The following C1QTNF2 variants were observed in gnomAD, a reference collection of about 807,000 sequenced individuals.
The protein encoded by C1QTNF2 is C1q and TNF related 2, also known as complement C1q tumor necrosis factor-related protein 2.
A neutral mutation model predicts 17.4 loss-of-function variants in C1QTNF2; 15 were observed. That is an observed-to-expected ratio of 0.86 (90% CI 0.58 to 1.33). The LOEUF is 1.33. Ranked by LOEUF, C1QTNF2 falls within the 40% of genes most tolerant of loss-of-function variation. C1QTNF2 has a pLI of 0.00. For synonymous variants in C1QTNF2, 154 were observed against 163.3 expected (o/e 0.94, Z 0.44); for missense variants, 381 against 392.3 (o/e 0.97, Z 0.24).
rs545486998 is a variant in C1QTNF2, at chr5:160,353,925, T to G, written c.244+843A>C. Reference sequence around the variant, plus strand: ...TTCAAGCAATTCTCCTACCTCAGCCTCCAGAGTAGCTGGGATTACAGGCAT... The same window carrying G: ...TTCAAGCAATTCTCCTACCTCAGCCGCCAGAGTAGCTGGGATTACAGGCAT... On this transcript the variant is annotated intron_variant, in intron 2 of 2. Coordinates refer to ENST00000652664, the MANE Select transcript of C1QTNF2 (RefSeq NM_031908.6). 7.4e-4 allele frequency among the ~76,000 whole-genome samples: 110 copies of G among 148,374 alleles called. 1 individual carries two copies. Among genetic ancestry groups the G allele is most frequent in the African/African-American group, 2.7e-3 (108 of 40,244 alleles).
rs1764016630 is a variant in C1QTNF2 at position 160,354,902 on chromosome 5, C to T, written c.110G>A (p.Ser37Asn). The stretch of plus-strand genomic sequence containing the variant: ...GGGTGGGCCCTGGGGGCCAGGCAGG[C>T]TGCAGACCAGTTGAGGGGAGCCTTT... ...FRKGSPQLVC[S>N]LPGPQGPPGP... Residue 37 changes from serine (S) to asparagine (N), a missense_variant, in exon 2 of 3, where the codon AGC becomes AAC. Ser to Asn is a conservative substitution (Grantham distance 46). Transcript: ENST00000652664. 2 of 1,603,136 alleles carry T rather than the reference C, an allele frequency of 1.2e-6. No homozygotes were observed. Among genetic ancestry groups the T allele is most frequent in the African/African-American group, 2.7e-5 (2 of 74,812 alleles).
Position 160,349,037 on chromosome 5 carries a change from G to T in C1QTNF2, c.*131C>A. ...GGATTTAATGAAGGGGAAAAAAAGA[G>T]GCAGAGGAGGTGAGCCTGAGGCTAG... On this transcript the variant is annotated 3_prime_UTR_variant, in exon 3 of 3. Coordinates refer to ENST00000652664, the MANE Select transcript of C1QTNF2 (RefSeq NM_031908.6). This position sits in a 1 kb window ranked among gnomAD's most constrained non-coding sequence, Gnocchi z 4.3. 2.8e-6 allele frequency: 3 copies of T among 1,090,870 alleles called. No individual in the cohort carries two copies. The highest frequency in any genetic ancestry group is 1.6e-5 in the African/African-American group (1 of 63,568). The allele number at this position is 1,090,870 out of a possible 1,614,324, so 67.6% of individuals were successfully genotyped here.
At chr5:160,351,044 C>A (rs1205336903) in intron 2 of C1QTNF2, among the ~76,000 whole-genome samples, 2 of 152,220 alleles carry the variant, frequency 1.3e-5, no homozygotes, top group Non-Finnish European at 2.9e-5. Flanking sequence ...GCCACCACAC[C>A]TGGCCCACAG....
intron 1 of C1QTNF2, among the ~76,000 whole-genome samples, chr5:160,362,689 C>G (rs948207624): frequency 6.6e-6 from 1 of 152,120 alleles, no homozygotes. Context: ...TCTCAATAAA[C>G]GTGCGGATGA....
chr5:160,349,260 G>C lies in C1QTNF2; in HGVS notation c.766C>G (p.Gln256Glu). 1 of 1,614,174 alleles carries C rather than the reference G, an allele frequency of 6.2e-7. No individual in the cohort carries two copies. Among genetic ancestry groups the C allele is most frequent in the Non-Finnish European group, 8.5e-7 (1 of 1,180,034 alleles). The part of the protein sequence containing the change: ...EVWLQIFYSE[Q>E]NGLFYDPYWT... Reference sequence around the variant, plus strand: ...TAAGGGTCATAGAAGAGCCCGTTCTGCTCTGAGTAGAAGATCTGCAGCCAA... The same window carrying C: ...TAAGGGTCATAGAAGAGCCCGTTCTCCTCTGAGTAGAAGATCTGCAGCCAA... Residue 256 changes from glutamine to glutamate, a missense_variant, in exon 3 of 3, where the codon CAG becomes GAG. Physicochemically the swap from Gln to Glu is conservative, Grantham distance 29 (BLOSUM62 2). Coordinates refer to ENST00000652664, the MANE Select transcript of C1QTNF2 (RefSeq NM_031908.6). The surrounding 1 kb of genome is among the most constrained non-coding windows in gnomAD (Gnocchi z 4.3).
intron 1 of C1QTNF2, chr5:160,355,227 C>A: frequency 1.0e-6 from 1 of 984,992 alleles, no homozygotes; most frequent in Non-Finnish European, 1.2e-6. Flanking sequence ...GAGTCATTAC[C>A]CAGAATACAC....
intron 1 of C1QTNF2, among the ~76,000 whole-genome samples, chr5:160,356,009 G>A (rs1358257404): frequency 6.6e-6 from 1 of 152,196 alleles, no homozygotes; most frequent in Non-Finnish European, 1.5e-5. Context: ...GCTAGACCGT[G>A]TCCTTAAGGC....
At chr5:160,357,211 A>T (rs1289506000) in intron 1 of C1QTNF2, among the ~76,000 whole-genome samples, 1 of 152,120 alleles carries the variant, frequency 6.6e-6, no homozygotes, top group Non-Finnish European at 1.5e-5. Flanking sequence ...TCACACCTTC[A>T]CTGGGGGAGC....
intron 2 of C1QTNF2, 137 bp downstream of exon 2, chr5:160,354,631 T>TATATATATATATATATATATATATATAG: frequency 4.5e-6 from 1 of 223,554 alleles, no homozygotes; most frequent in East Asian, 1.2e-4. Context: ...TATATATATA[T>TATATATATATATATATATATATATATAG]ATAGATTTAT....
intron 1 of C1QTNF2, among the ~76,000 whole-genome samples, chr5:160,366,440 G>A (rs575430158): frequency 6.6e-6 from 1 of 152,294 alleles, no homozygotes; most frequent in Non-Finnish European, 1.5e-5. Context: ...CATGGGAGAA[G>A]GTTGCCACAC....
intron 1 of C1QTNF2, among the ~76,000 whole-genome samples, chr5:160,362,890 G>T (rs146001457): frequency 6.6e-6 from 1 of 152,194 alleles, no homozygotes; most frequent in Non-Finnish European, 1.5e-5. Context: ...GCCTTACAGG[G>T]TTATTCAGAG....
At chr5:160,366,927 G>C (rs894129814) in intron 1 of C1QTNF2, among the ~76,000 whole-genome samples, 18 of 151,414 alleles carry the variant, frequency 1.2e-4, no homozygotes, top group African/African-American at 3.9e-4. Context: ...GGGGGGCTGA[G>C]TGGGGAGAAT....
intron 1 of C1QTNF2, 107 bp downstream of exon 1, chr5:160,370,405 T>C (rs1224171621): frequency 3.8e-6 from 5 of 1,327,248 alleles, no homozygotes; most frequent in Non-Finnish European, 4.8e-6. Flanking sequence ...CGCTGGCAGC[T>C]CTCCCACCTT....
chr5:160,360,463 T>G (rs1764133245), intron 1 of C1QTNF2, among the ~76,000 whole-genome samples: 3 of 152,146 alleles, frequency 2.0e-5, no homozygotes, highest in Non-Finnish European at 4.4e-5. Context: ...CTAACCCGAA[T>G]CAGATCAAAT....
At chr5:160,365,112 G>A (rs1047917446) in intron 1 of C1QTNF2, among the ~76,000 whole-genome samples, 6 of 152,078 alleles carry the variant, frequency 3.9e-5, no homozygotes, top group African/African-American at 9.7e-5. Context: ...CTGTGTAACC[G>A]GGAAAGAAAA....
In C1QTNF2 at chr5:160,349,621, T is replaced by C; in HGVS notation, c.405A>G (p.Pro135=). 1.2e-6 allele frequency: 2 copies of C among 1,612,956 alleles called. No homozygotes were observed. Among genetic ancestry groups the C allele is most frequent in the Non-Finnish European group, 1.7e-6 (2 of 1,179,936 alleles). The change falls in exon 3 of 3, where the codon CCA becomes CCG. Residue 135 remains proline (P), a synonymous_variant. Coordinates refer to ENST00000652664, the MANE Select transcript of C1QTNF2 (RefSeq NM_031908.6). This position sits in a 1 kb window ranked among gnomAD's most constrained non-coding sequence, Gnocchi z 4.3. Reference sequence around the variant, plus strand: ...CACAGCTGCAGGGGCCTGGGAGGCCTGGCTCCCCCTTCTTGCCCTTGGGCC... The same window carrying C: ...CACAGCTGCAGGGGCCTGGGAGGCCCGGCTCCCCCTTCTTGCCCTTGGGCC... The part of the protein sequence containing the change: ...KKGPKGKKGE[P]GLPGPCSCGS...
At chr5:160,369,681 C>A (rs1764313891) in intron 1 of C1QTNF2, among the ~76,000 whole-genome samples, 1 of 152,128 alleles carries the variant, frequency 6.6e-6, no homozygotes, top group Non-Finnish European at 1.5e-5. Context: ...GGCTTCCAAG[C>A]AGGGCAATTT....
intron 1 of C1QTNF2, 60 bp downstream of exon 1, chr5:160,370,452 C>T (rs1185119656): frequency 1.5e-6 from 2 of 1,372,356 alleles, no homozygotes; most frequent in Non-Finnish European, 1.9e-6. Flanking sequence ...GCGAGTCCTC[C>T]TCCTCCTCCT....
chr5:160,368,768 G>T (rs1764293004), intron 1 of C1QTNF2, among the ~76,000 whole-genome samples: 1 of 152,042 alleles, frequency 6.6e-6, no homozygotes, highest in Non-Finnish European at 1.5e-5. Context: ...GATCAGCAGG[G>T]TCAGCATAAG....
Sources: gnomAD v4.1 joint callset for allele counts (sites outside exome capture counted in the v4.1 genomes callset) on GRCh38, gnomAD v4.1.1 for gene constraint, Gnocchi (gnomAD v3.1) non-coding constraint, MANE v1.5 for transcripts, NCBI Gene and HGNC (gene_info 2026-07-23, HGNC 2026-07-21) for gene names.